PCNX1: variants seen among roughly 807,000 people sequenced by gnomAD.
PCNX1 encodes the protein pecanex 1.
A neutral mutation model predicts 242.2 loss-of-function variants in PCNX1; 78 were observed. The ratio of observed to expected loss-of-function variants is 0.32; its 90% confidence interval spans 0.27 to 0.39. The LOEUF (loss-of-function observed/expected upper bound fraction) is 0.39, where lower values mean the gene tolerates loss of function less well. PCNX1 is among the 10% of genes least tolerant of loss of function. PCNX1 has a pLI of 1.00. For missense variants in PCNX1, 2,581 were observed against 2,856.5 expected (o/e 0.90, Z 2.20); for synonymous variants, 1,024 against 1,032.9 (o/e 0.99, Z 0.17).
chr14:71,080,071 G>A (rs1270363721), intron 28 of PCNX1, among the ~76,000 whole-genome samples: 1 of 152,168 alleles, frequency 6.6e-6, no homozygotes, highest in Non-Finnish European at 1.5e-5. Context: ...AAGGGGTCCA[G>A]TTTCAGTTTT....
intron 7 of PCNX1, among the ~76,000 whole-genome samples, chr14:70,988,970 G>A (rs1410499256): frequency 6.6e-6 from 1 of 151,534 alleles, no homozygotes; most frequent in African/African-American, 2.4e-5. Flanking sequence ...GTATATAGTG[G>A]GCCTTAGTCA....
chr14:70,944,606 G>T (rs1022495076), intron 1 of PCNX1, among the ~76,000 whole-genome samples: 2 of 152,162 alleles, frequency 1.3e-5, no homozygotes, highest in African/African-American at 4.8e-5. Flanking sequence ...TTAAGACTTT[G>T]GGGGACAGTT....
At chr14:71,034,559 T>C (rs960773192) in intron 18 of PCNX1, among the ~76,000 whole-genome samples, 1 of 152,212 alleles carries the variant, frequency 6.6e-6, no homozygotes, top group Non-Finnish European at 1.5e-5. Context: ...TTTTCTAATT[T>C]GGTGAATTGT....
At position 71,113,312 on chromosome 14, in the gene PCNX1, A is replaced by AAGT. The variant is rs2062788943; in HGVS notation, c.*3381_*3383dup. The AAGT allele has an allele frequency of 6.6e-6, 1 of 152,570 alleles. No individual in the cohort carries two copies. Among genetic ancestry groups the AAGT allele is most frequent in the African/African-American group, 2.4e-5 (1 of 41,446 alleles). The allele number at this position is 152,570 out of a possible 1,614,324, so 9.5% of individuals were successfully genotyped here. A position where few individuals can be genotyped will look rare whatever the true frequency, so the allele number is the denominator to read the frequency against. ...GAACTACTTATAATTCTTAAAACAG[A>AAGT]AGTAGTCAGACAATATTTGTATCCT... On this transcript the variant is annotated 3_prime_UTR_variant, in exon 36 of 36. Coordinates refer to ENST00000304743, the MANE Select transcript of PCNX1 (RefSeq NM_014982.3).
Position 70,978,479 on chromosome 14 carries a change from G to A in PCNX1, c.2142G>A (p.Lys714=), listed in dbSNP as rs370670970. ...GGTTAATGGCACCTGAAAGTATAAA[G>A]CCCTTAACCACTTCAAAATCAGATC... is the stretch of plus-strand genomic sequence containing the variant. ...SNRLMAPESI[K]PLTTSKSDLE... is the part of the protein sequence containing the mutation. Residue 714 remains lysine (K), a synonymous_variant, in exon 6 of 36, where the codon AAG becomes AAA. Transcript: ENST00000304743. 357 of 1,614,136 alleles carry A rather than the reference G, an allele frequency of 2.2e-4. 5 individuals are homozygous for A. In the South Asian group the frequency reaches 3.3e-3, roughly 15 times the overall value.
chr14:71,079,158 G>C (rs967459029), intron 28 of PCNX1, among the ~76,000 whole-genome samples: 7 of 152,168 alleles, frequency 4.6e-5, no homozygotes, highest in Non-Finnish European at 1.0e-4. Flanking sequence ...CTTCATCCAT[G>C]TCCCTGCAAA....
intron 24 of PCNX1, chr14:71,053,342 G>A (rs956439969): frequency 1.3e-5 from 6 of 446,230 alleles, no homozygotes; most frequent in African/African-American, 1.0e-4. Context: ...ACACAATCTC[G>A]ACTCACTGCA....
chr14:70,942,326 A>T (rs974082624), intron 1 of PCNX1, among the ~76,000 whole-genome samples: 14 of 152,226 alleles, frequency 9.2e-5, no homozygotes, highest in Non-Finnish European at 1.5e-5. Flanking sequence ...GGTTTTTTTT[A>T]AATAAAGACC....
chr14:71,086,083 G>T (rs1341831007), intron 28 of PCNX1, among the ~76,000 whole-genome samples: 1 of 151,966 alleles, frequency 6.6e-6, no homozygotes, highest in African/African-American at 2.4e-5. Flanking sequence ...CTTTTCTTCT[G>T]AATTAATATA....
rs75245701 is a variant in PCNX1 at position 70,990,119 on chromosome 14, A to T, written c.2444+1420A>T. 7.9e-3 allele frequency among the ~76,000 whole-genome samples: 1,209 copies of T among 152,146 alleles called. 13 individuals are homozygous for T. Among genetic ancestry groups the T allele is most frequent in the African/African-American group, 0.027 (1,136 of 41,492 alleles). ...ATTTCATACTCCCCTGAGATTTAAG[A>T]CTTGCTTGTTTTCCTAGATTTTACA... On this transcript the variant is annotated intron_variant, in intron 7 of 35. Coordinates refer to ENST00000304743, the MANE Select transcript of PCNX1 (RefSeq NM_014982.3).
rs2062517398 is a variant in PCNX1, at chr14:71,103,449, T to G, written c.5875T>G (p.Phe1959Val). Residue 1959 changes from phenylalanine to valine, a missense_variant, in exon 32 of 36, where the codon TTT becomes GTT. By Grantham distance (50) the Phe-to-Val change is conservative. This residue lies in a region of PCNX1 where 298 missense variants were observed against 480.1 expected (regional missense o/e 0.62). Coordinates refer to ENST00000304743, the MANE Select transcript of PCNX1 (RefSeq NM_014982.3). The part of the protein sequence containing the change: ...LWAGQQQELV[F>V]LRNRNPERGS... ...GGCAGGGCAACAGCAGGAGCTTGTT[T>G]TTCTACGTAACCGTAACCCAGAGAG... 6.2e-7 allele frequency: 1 copy of G among 1,614,092 alleles called. No individual in the cohort carries two copies. The highest frequency in any genetic ancestry group is 8.5e-7 in the Non-Finnish European group (1 of 1,180,032).
At chr14:70,973,056 A>G (rs529250634) in intron 5 of PCNX1, among the ~76,000 whole-genome samples, 114 of 152,250 alleles carry the variant, frequency 7.5e-4, no homozygotes, top group African/African-American at 2.6e-3. Context: ...GTTCAATACC[A>G]GCCTGGGCAA....
At chr14:70,922,737 G>C (rs939577481) in intron 1 of PCNX1, among the ~76,000 whole-genome samples, 3 of 151,462 alleles carry the variant, frequency 2.0e-5, no homozygotes, top group Non-Finnish European at 4.4e-5. Flanking sequence ...GTTCCCTAGT[G>C]GGGGACATTT....
At chr14:70,983,458 C>G (rs187152497) in intron 6 of PCNX1, among the ~76,000 whole-genome samples, 240 of 152,262 alleles carry the variant, frequency 1.6e-3, no homozygotes, top group Middle Eastern at 3.4e-3. Context: ...GTGCCCGCCA[C>G]GACACCCGGT....
At chr14:71,012,910 A>G in intron 10 of PCNX1, 75 bp from the exon 11 acceptor site, 1 of 950,246 alleles carries the variant, frequency 1.1e-6, no homozygotes, top group Non-Finnish European at 1.7e-6. Flanking sequence ...AATTATGAAG[A>G]TATTTTATTT....
chr14:70,916,310 A>G (rs1231712227), intron 1 of PCNX1, among the ~76,000 whole-genome samples: 3 of 152,110 alleles, frequency 2.0e-5, no homozygotes, highest in African/African-American at 4.8e-5. Flanking sequence ...TCTTCTGGGA[A>G]GAAAGTTTAT....
chr14:71,029,278 TCAA>T (rs2060319138), intron 16 of PCNX1, among the ~76,000 whole-genome samples: 1 of 152,188 alleles, frequency 6.6e-6, no homozygotes, highest in Non-Finnish European at 1.5e-5. Flanking sequence ...TAAAAGATTG[TCAA>T]CAAGTTGTAA....
intron 28 of PCNX1, among the ~76,000 whole-genome samples, chr14:71,087,239 A>T (rs1362205172): frequency 6.6e-6 from 1 of 151,904 alleles, no homozygotes; most frequent in African/African-American, 2.4e-5. Flanking sequence ...CTGGACCCAA[A>T]TTTTTTTTCA....
chr14:70,911,280 T>TC (rs901819882), intron 1 of PCNX1, among the ~76,000 whole-genome samples: 4 of 152,050 alleles, frequency 2.6e-5, no homozygotes, highest in African/African-American at 7.3e-5. Context: ...TTTTATTTAT[T>TC]CCCCCCCAAA....
Sources: allele counts gnomAD v4.1 joint callset (sites outside exome capture counted in the v4.1 genomes callset), GRCh38; gene constraint gnomAD v4.1.1; regional missense constraint gnomAD v4.1.1; transcripts MANE v1.5; gene names NCBI Gene and HGNC (gene_info 2026-07-23, HGNC 2026-07-21).